Variants in AMY2B observed in about 807,000 individuals in gnomAD.
AMY2B encodes amylase alpha 2B, also known as alpha-amylase 2B.
AMY2B carries 63 observed loss-of-function variants against 59.3 expected under a neutral mutation model. The ratio of observed to expected loss-of-function variants is 1.06; its 90% CI spans 0.87 to 1.31. The LOEUF (loss-of-function observed/expected upper bound fraction) is 1.31. AMY2B is among the 50% of genes most tolerant of loss of function. The probability of loss-of-function intolerance (pLI) is 0.00; values close to 1 mark genes in which losing one functional copy is unlikely to be tolerated. For missense variants in AMY2B, 635 were observed against 626.7 expected, an observed-to-expected ratio of 1.01 and a Z score of -0.14; for synonymous variants, 180 against 198.1, an observed-to-expected ratio of 0.91 and a Z score of 0.77.
chr1:103,570,012 C>T (rs902260115), upstream of AMY2B: 5 of 442,064 alleles, frequency 1.1e-5, no homozygotes, highest in African/African-American at 8.2e-5. Context: ...TTGTCATGGG[C>T]TTTGGAGATG....
rs11802930 is a variant in AMY2B, at chr1:103,565,901, G to A, written c.-47+307G>A. Among the ~76,000 whole-genome samples the A allele has an allele frequency of 8.3e-3, 1,266 of 151,914 alleles. 17 individuals are homozygous for A. The highest frequency in any genetic ancestry group is 0.028 in the African/African-American group (1,147 of 41,402). Reference sequence around the variant, plus strand: ...AATGTTCCTATCTCTTTGTTTTCTGGTCCATCTGATATAATTAAAAGTTTT... The same window carrying A: ...AATGTTCCTATCTCTTTGTTTTCTGATCCATCTGATATAATTAAAAGTTTT... On this transcript the variant is annotated intron_variant, in intron 2 of 11. Transcript: ENST00000361355.
chr1:103,569,380 C>T, upstream of AMY2B: 1 of 173,954 alleles, frequency 5.7e-6, no homozygotes. Flanking sequence ...TATTTACTGT[C>T]CTTATTTATG....
At chr1:103,573,350 G>T (rs1469809475) in intron 3 of AMY2B, 90 bp downstream of exon 3, 1 of 1,590,742 alleles carries the variant, frequency 6.3e-7, no homozygotes. Flanking sequence ...TTTTAAATAC[G>T]AATTTAGATC....
In AMY2B at chr1:103,574,231, A is replaced by T. The variant is rs745356874; in HGVS notation, c.745-29A>T. 3 of 1,611,670 alleles carry T rather than the reference A, an allele frequency of 1.9e-6. No homozygotes were observed. The Admixed American group carries it at 5.0e-5, about 27-fold the overall frequency. On this transcript the variant is annotated intron_variant, in intron 4 of 9. Coordinates refer to ENST00000684275, the MANE Select transcript of AMY2B (RefSeq NM_001387437.1). ...AAAATGCTTTAAAGTCCTTATGCAA[A>T]ATGTTACTTTTTCCTAATTTTCTAC... is the stretch of plus-strand genomic sequence containing the variant.
upstream of AMY2B, chr1:103,568,763 ATAGAC>A (rs777811650): frequency 9.9e-5 from 15 of 151,580 alleles, no homozygotes; most frequent in Non-Finnish European, 1.9e-4. Context: ...TAAAGACTAT[ATAGAC>A]TATATATATA....
At chr1:103,576,732 T>C (rs2101078681) in intron 7 of AMY2B, among the ~76,000 whole-genome samples, 1 of 152,356 alleles carries the variant, frequency 6.6e-6, no homozygotes, top group African/African-American at 2.4e-5. Context: ...CATGTCACGT[T>C]CAAGGCATTT....
chr1:103,566,679 G>T (rs1271903661), upstream of AMY2B, among the ~76,000 whole-genome samples: 1 of 152,090 alleles, frequency 6.6e-6, no homozygotes, highest in Non-Finnish European at 1.5e-5. Context: ...GTAGTACAGA[G>T]AATGTTGACT....
Position 103,571,765 on chromosome 1 carries a change from G to T in AMY2B, c.163G>T (p.Val55Phe), listed in dbSNP as rs377503366. ...RYLAPKGFGG[V>F]QVSPPNENVA... ...TTTAGCTCCCAAGGGATTTGGAGGGGTTCAGGTGGGTATGATTCATAGTAT... is the reference window on the plus strand; with the variant it reads ...TTTAGCTCCCAAGGGATTTGGAGGGTTTCAGGTGGGTATGATTCATAGTAT... Residue 55 changes from valine (V) to phenylalanine (F), a missense_variant, in exon 1 of 10, where the codon GTT becomes TTT. By Grantham distance (50) the Val-to-Phe change is conservative. Coordinates refer to ENST00000684275, the MANE Select transcript of AMY2B (RefSeq NM_001387437.1). The T allele has an allele frequency of 5.0e-6, 8 of 1,611,800 alleles. No homozygotes were observed. The highest frequency in any genetic ancestry group is 6.8e-6 in the Non-Finnish European group (8 of 1,179,818).
At chr1:103,566,401 T>C (rs1157432888) in intron 2 of AMY2B, among the ~76,000 whole-genome samples, 1 of 152,182 alleles carries the variant, frequency 6.6e-6, no homozygotes, top group Non-Finnish European at 1.5e-5. Flanking sequence ...TTTTACTAAC[T>C]GCATTAAAAG....
intron 1 of AMY2B, among the ~76,000 whole-genome samples, chr1:103,556,532 G>A (rs1362278479): frequency 6.6e-6 from 1 of 151,460 alleles, no homozygotes; most frequent in Non-Finnish European, 1.5e-5. Context: ...AGAGTGGGGT[G>A]GCTGAAATTG....
chr1:103,557,975 C>T (rs907462258), intron 1 of AMY2B, among the ~76,000 whole-genome samples: 1 of 152,094 alleles, frequency 6.6e-6, no homozygotes, highest in Non-Finnish European at 1.5e-5. Context: ...TATTTAAACT[C>T]GCATTTCTTA....
At chr1:103,573,356 A>C in intron 3 of AMY2B, 96 bp downstream of exon 3, 1 of 1,585,640 alleles carries the variant, frequency 6.3e-7, no homozygotes, top group African/African-American at 1.3e-5. Context: ...ATACGAATTT[A>C]GATCTCTTAG....
intron 1 of AMY2B, 81 bp downstream of exon 1, chr1:103,571,851 G>C: frequency 6.2e-7 from 1 of 1,610,730 alleles, no homozygotes; most frequent in Non-Finnish European, 8.5e-7. Flanking sequence ...GTGAAGCTTA[G>C]GCAACATTTT....
chr1:103,572,051 A>G, intron 1 of AMY2B, 59 bp from the exon 2 acceptor site: 2 of 1,606,888 alleles, frequency 1.2e-6, no homozygotes, highest in Non-Finnish European at 1.7e-6. Context: ...ATTAGTTTCT[A>G]GAACATTCAA....
At chr1:103,575,641 A>G in intron 7 of AMY2B, 101 bp downstream of exon 7, 1 of 1,518,992 alleles carries the variant, frequency 6.6e-7, no homozygotes, top group Non-Finnish European at 8.9e-7. Flanking sequence ...TCAACAAATA[A>G]TTGATTAGAA....
At chr1:103,574,620 G>A (rs565520091) in intron 5 of AMY2B, among the ~76,000 whole-genome samples, 35 of 152,112 alleles carry the variant, frequency 2.3e-4, no homozygotes, top group African/African-American at 7.9e-4. Context: ...AGGAGTTTCC[G>A]TCTAAGTACG....
chr1:103,573,424 T>C (rs1652216858), intron 3 of AMY2B, among the ~76,000 whole-genome samples, 164 bp downstream of exon 3: 1 of 152,182 alleles, frequency 6.6e-6, no homozygotes, highest in Admixed American at 6.6e-5. Flanking sequence ...TTTAAAAACT[T>C]AAATATAGAT....
intron 1 of AMY2B, among the ~76,000 whole-genome samples, chr1:103,556,036 G>C (rs907589936): frequency 3.3e-5 from 5 of 152,166 alleles, no homozygotes; most frequent in African/African-American, 1.2e-4. Flanking sequence ...CGGTAGTTCA[G>C]TAAATAGGAG....
chr1:103,574,086 A>G, intron 4 of AMY2B, 148 bp downstream of exon 4: 3 of 1,500,828 alleles, frequency 2.0e-6, no homozygotes, highest in Non-Finnish European at 2.7e-6. Context: ...CATACAGCAT[A>G]TCTAATTCTT....
Sources: allele counts gnomAD v4.1 joint callset (sites outside exome capture counted in the v4.1 genomes callset), GRCh38; gene constraint gnomAD v4.1.1; transcripts MANE v1.5; gene names NCBI Gene and HGNC (gene_info 2026-07-23, HGNC 2026-07-21).